ZNHIT1: variants seen among roughly 807,000 people sequenced by gnomAD.
ZNHIT1 encodes the protein zinc finger HIT domain-containing protein 1.
ZNHIT1 carries 20 observed loss-of-function variants against 21.4 expected under a neutral mutation model. The observed-to-expected ratio is 0.93, with a 90% CI of 0.66 to 1.36. The LOEUF (loss-of-function observed/expected upper bound fraction) is 1.36. Among genes scored for constraint, ZNHIT1 ranks in the 40% most tolerant of loss-of-function variants. The pLI is 0.00. For missense variants in ZNHIT1, 170 were observed against 213.5 expected, an observed-to-expected ratio of 0.80 and a Z score of 1.27; for synonymous variants, 79 against 84.0, an observed-to-expected ratio of 0.94 and a Z score of 0.32.
Position 101,224,015 on chromosome 7 carries a change from C to T in ZNHIT1, c.*57C>T. On this transcript the variant is annotated 3_prime_UTR_variant, in exon 5 of 5. Transcript: ENST00000305105. Reference sequence around the variant, plus strand: ...GTGCACTGCCCGGCCTTCAGAAAGACAGAATTTCATCACCCAATGCAGGGG... The same window carrying T: ...GTGCACTGCCCGGCCTTCAGAAAGATAGAATTTCATCACCCAATGCAGGGG... 2 of 1,613,340 alleles carry T rather than the reference C, an allele frequency of 1.2e-6. No homozygotes were observed. Among genetic ancestry groups the T allele is most frequent in the East Asian group, 4.5e-5 (2 of 44,882 alleles).
rs1798315161 is a variant in ZNHIT1 at position 101,218,173 on chromosome 7, CT to C, written c.-21del. ...GGTTAGTACGCGTGCGCAGCAGTTTCTTCCGACAGTTGTGTTGTGCCAATGG... is the reference window on the plus strand; with the variant it reads ...GGTTAGTACGCGTGCGCAGCAGTTTCTCCGACAGTTGTGTTGTGCCAATGG... On this transcript the variant is annotated 5_prime_UTR_variant, in exon 1 of 5. Coordinates refer to ENST00000305105, the MANE Select transcript of ZNHIT1 (RefSeq NM_006349.3). 1 of 1,612,062 alleles carries C rather than the reference CT, an allele frequency of 6.2e-7. No individual in the cohort carries two copies. Among genetic ancestry groups the C allele is most frequent in the South Asian group, 1.1e-5 (1 of 90,974 alleles).
chr7:101,223,801 G>A lies in ZNHIT1; in HGVS notation c.402G>A (p.Arg134=). The part of the protein sequence containing the change: ...SPYTCVSCGA[R]YCTVRCLGTH... ...ACACCTGTGTCAGCTGCGGTGCCCG[G>A]TACTGCACTGTGCGCTGTCTGGGGA... is the stretch of plus-strand genomic sequence containing the variant. Residue 134 remains arginine (R), a synonymous_variant, in exon 4 of 5, where the codon CGG becomes CGA. Coordinates refer to ENST00000305105, the MANE Select transcript of ZNHIT1 (RefSeq NM_006349.3). 6.2e-7 allele frequency: 1 copy of A among 1,614,176 alleles called. No individual in the cohort carries two copies.
In ZNHIT1 at chr7:101,220,112, GTTTTTTTTTTTTTT is replaced by G. The variant is rs10615658; in HGVS notation, c.22+1907_22+1920del. ...TTTTTTTTTGTTTGGTTGGTTTTGG[GTTTTTTTTTTTTTT>G]TTTTTTTTTTTGAAACAGGGTCTTG... On this transcript the variant is annotated intron_variant, in intron 1 of 4. Coordinates refer to ENST00000305105, the MANE Select transcript of ZNHIT1 (RefSeq NM_006349.3). 1.9e-5 allele frequency: 2 copies of G among 105,230 alleles called. 1 individual carries two copies. Among genetic ancestry groups the G allele is most frequent in the African/African-American group, 7.1e-5 (2 of 28,156 alleles). 6.5% of individuals were successfully genotyped at this position (105,230 alleles called of 1,614,324 possible). A position where few individuals can be genotyped will look rare whatever the true frequency, so the allele number is the denominator to read the frequency against.
intron 1 of ZNHIT1, chr7:101,218,530 C>A (rs576605258): frequency 7.1e-5 from 28 of 396,626 alleles, no homozygotes; most frequent in Non-Finnish European, 1.2e-4. Context: ...CCTGCGTGGG[C>A]CTTCCAAAGT....
At chr7:101,218,372 C>T in intron 1 of ZNHIT1, 155 bp downstream of exon 1, 1 of 791,992 alleles carries the variant, frequency 1.3e-6, no homozygotes, top group Non-Finnish European at 2.0e-6. Flanking sequence ...TTCCTGGGAT[C>T]AAACCATCCT....
In ZNHIT1 at chr7:101,224,064, G is replaced by T. The variant is rs1418325046; in HGVS notation, c.*106G>T. 6.5e-7 allele frequency: 1 copy of T among 1,549,370 alleles called. No individual in the cohort carries two copies. The highest frequency in any genetic ancestry group is 1.4e-5 in the African/African-American group (1 of 73,674). On this transcript the variant is annotated 3_prime_UTR_variant, in exon 5 of 5. Transcript: ENST00000305105. ...GGGAGCTCTTCCTGGACCAAGGGAG[G>T]AGCCGCTCATTCACCCAACAAAACT...
At chr7:101,222,502 C>T in intron 1 of ZNHIT1, 102 bp from the exon 2 acceptor site, 1 of 1,380,142 alleles carries the variant, frequency 7.2e-7, no homozygotes, top group Non-Finnish European at 9.9e-7. Flanking sequence ...GATCAGAGAG[C>T]TGCAGCTTCC....
chr7:101,223,070 G>A (rs563093816), intron 2 of ZNHIT1, among the ~76,000 whole-genome samples: 7 of 152,278 alleles, frequency 4.6e-5, no homozygotes, highest in East Asian at 1.9e-4. Context: ...GCGAGGGGCC[G>A]ACTTAGAGCC....
Position 101,223,754 on chromosome 7 carries a change from G to A in ZNHIT1, c.355G>A (p.Val119Ile). ...PSRPQRPFCAVCGFPSPYTCV... is the reference protein window; with the variant it reads ...PSRPQRPFCAICGFPSPYTCV... ...GCGGCCCCAGCGCCCCTTCTGTGCT[G>A]TCTGTGGCTTCCCATCCCCCTACAC... is the stretch of plus-strand genomic sequence containing the variant. Residue 119 changes from valine to isoleucine, a missense_variant, in exon 4 of 5, where the codon GTC becomes ATC. Val to Ile is a conservative substitution (Grantham distance 29, BLOSUM62 3). Coordinates refer to ENST00000305105, the MANE Select transcript of ZNHIT1 (RefSeq NM_006349.3). 1 of 1,614,142 alleles carries A rather than the reference G, an allele frequency of 6.2e-7. No individual in the cohort carries two copies. The highest frequency in any genetic ancestry group is 1.1e-5 in the South Asian group (1 of 91,084).
chr7:101,218,248 C>G, intron 1 of ZNHIT1, 31 bp downstream of exon 1: 2 of 1,606,774 alleles, frequency 1.2e-6, no homozygotes, highest in Admixed American at 1.7e-5. Flanking sequence ...CGCCCCCTTC[C>G]CCTTCCCAAG....
intron 1 of ZNHIT1, chr7:101,218,694 T>G (rs529745744): frequency 6.1e-6 from 1 of 162,880 alleles, no homozygotes; most frequent in South Asian, 1.6e-4. Flanking sequence ...GAAAGACCCC[T>G]CTTATCCAAG....
At chr7:101,220,703 A>G (rs1310107548) in intron 1 of ZNHIT1, 1 of 152,212 alleles carries the variant, frequency 6.6e-6, no homozygotes, top group East Asian at 1.9e-4. Flanking sequence ...ATATTATGCA[A>G]AATTATCAGA....
chr7:101,222,483 T>G, intron 1 of ZNHIT1, 121 bp from the exon 2 acceptor site: 1 of 1,200,232 alleles, frequency 8.3e-7, no homozygotes. Context: ...GGCTTGGCAA[T>G]GGGGATGAGA....
rs1210023803 is a variant in ZNHIT1 at position 101,224,004 on chromosome 7, C to T, written c.*46C>T. The T allele has an allele frequency of 6.8e-6, 11 of 1,613,834 alleles. No homozygotes were observed. The highest frequency in any genetic ancestry group is 9.3e-6 in the Non-Finnish European group (11 of 1,179,952). ...GAAGGGCCGCTGTGCACTGCCCGGC[C>T]TTCAGAAAGACAGAATTTCATCACC... On this transcript the variant is annotated 3_prime_UTR_variant, in exon 5 of 5. Transcript: ENST00000305105.
rs990007818 is a variant in ZNHIT1, at chr7:101,223,552, A to T, written c.269A>T (p.Glu90Val). The T allele has an allele frequency of 1.9e-6, 3 of 1,614,052 alleles. No homozygotes were observed. In the South Asian group the frequency reaches 3.3e-5, roughly 18 times the overall value. ...AAAAACTTTCAGGCCCTGTTGGAGG[A>T]GCAGGTGAGAGGAGGGTCGGCCTGG... is the stretch of plus-strand genomic sequence containing the variant. ...FRKNFQALLEEQNLSVAEGPN... is the reference protein window; with the variant it reads ...FRKNFQALLEVQNLSVAEGPN... The change falls in exon 3 of 5, where the codon GAG (glutamate) becomes GTG (valine). Residue 90 changes from glutamate to valine, a missense_variant. Physicochemically the swap from Glu to Val is moderately radical, Grantham distance 121. Transcript: ENST00000305105.
chr7:101,218,721 A>G (rs1196898049), intron 1 of ZNHIT1: 1 of 159,030 alleles, frequency 6.3e-6, no homozygotes, highest in African/African-American at 2.4e-5. Flanking sequence ...CTTTTTCTGG[A>G]AGGGGGGCAG....
At position 101,224,094 on chromosome 7, in the gene ZNHIT1, C is replaced by T. The variant is rs1044491; in HGVS notation, c.*136C>T. 1.5e-6 allele frequency: 2 copies of T among 1,370,176 alleles called. No individual in the cohort carries two copies. Among genetic ancestry groups the T allele is most frequent in the South Asian group, 1.2e-5 (1 of 80,350 alleles). 84.9% of individuals were successfully genotyped at this position (1,370,176 alleles called of 1,614,324 possible). A position where few individuals can be genotyped will look rare whatever the true frequency, so the allele number is the denominator to read the frequency against. ...GCTCATTCACCCAACAAAACTGTGTCTTATCTGCCAGGAAAGACCAGCCTC... is the reference window on the plus strand; with the variant it reads ...GCTCATTCACCCAACAAAACTGTGTTTTATCTGCCAGGAAAGACCAGCCTC... On this transcript the variant is annotated 3_prime_UTR_variant, in exon 5 of 5. Coordinates refer to ENST00000305105, the MANE Select transcript of ZNHIT1 (RefSeq NM_006349.3).
At chr7:101,222,841 AG>A in intron 2 of ZNHIT1, 67 bp downstream of exon 2, 1 of 1,552,154 alleles carries the variant, frequency 6.4e-7, no homozygotes, top group Non-Finnish European at 8.7e-7. Context: ...CGCCCAACTC[AG>A]GCTGTGGGAG....
At position 101,222,608 on chromosome 7, in the gene ZNHIT1, C is replaced by T. The variant is rs373906295; in HGVS notation, c.27C>T (p.Arg9=). The T allele has an allele frequency of 7.2e-5, 116 of 1,612,474 alleles. No individual in the cohort carries two copies. The highest frequency in any genetic ancestry group is 9.4e-5 in the Non-Finnish European group (111 of 1,179,302). The change falls in exon 2 of 5, where the codon CGC becomes CGT. Residue 9 remains arginine, a synonymous_variant. Coordinates refer to ENST00000305105, the MANE Select transcript of ZNHIT1 (RefSeq NM_006349.3). MVEKKTSV[R]SQDPGQRRVL... is the part of the protein sequence containing the mutation. ...TGCGTGCCCTGCTCCATCCAGTTCG[C>T]TCCCAGGACCCCGGGCAGCGGCGGG... is the stretch of plus-strand genomic sequence containing the variant.
Sources: allele counts gnomAD v4.1 joint callset (sites outside exome capture counted in the v4.1 genomes callset), GRCh38; gene constraint gnomAD v4.1.1; transcripts MANE v1.5; gene names NCBI Gene and HGNC (gene_info 2026-07-23, HGNC 2026-07-21).